Variants in MACROD2 observed in about 807,000 individuals in gnomAD.
MACROD2 encodes mono-ADP ribosylhydrolase 2.
In MACROD2, 36 loss-of-function variants were observed where a neutral mutation model predicts 70.4. The ratio of observed to expected loss-of-function variants is 0.51; its 90% CI spans 0.39 to 0.68. The LOEUF (loss-of-function observed/expected upper bound fraction) is 0.68, where lower values mean the gene tolerates loss of function less well. Ranked by LOEUF, MACROD2 falls within the 30% of genes least tolerant of loss-of-function variation. The pLI, the probability that MACROD2 is intolerant of heterozygous loss-of-function variation, is 0.00. For synonymous variants in MACROD2, 172 were observed against 178.8 expected (o/e 0.96, Z 0.30); for missense variants, 496 against 538.4 (o/e 0.92, Z 0.78).
chr20:15,119,691 C>T (rs948846782), intron 5 of MACROD2, among the ~76,000 whole-genome samples: 1 of 152,204 alleles, frequency 6.6e-6, no homozygotes, highest in Non-Finnish European at 1.5e-5. Context: ...GGAATCAAAA[C>T]TCAAGAATAA....
chr20:15,776,422 C>G lies in MACROD2; in HGVS notation c.646-86323C>G, dbSNP rs76124810. ...CTCTCACCTGAAGGACAAGGTTGACCTGTCTGGCTGCCTTTGCTGGCTGAT... is the reference window on the plus strand; with the variant it reads ...CTCTCACCTGAAGGACAAGGTTGACGTGTCTGGCTGCCTTTGCTGGCTGAT... On this transcript the variant is annotated intron_variant, in intron 8 of 17. Transcript: ENST00000684519. Among the ~76,000 whole-genome samples the G allele has an allele frequency of 1.1e-3, 161 of 152,276 alleles. 2 individuals are homozygous for G. The East Asian group carries it at 0.029, about 28-fold the overall frequency.
At chr20:14,780,727 A>G (rs2072290377) in intron 5 of MACROD2, among the ~76,000 whole-genome samples, 1 of 152,120 alleles carries the variant, frequency 6.6e-6, no homozygotes, top group African/African-American at 2.4e-5. Context: ...ATAGATAGTA[A>G]TGAAACAAAA....
Position 14,359,189 on chromosome 20 carries a change from AAAACAAAC to A in MACROD2, c.272-134274_272-134267del, listed in dbSNP as rs112223216. ...GGCGACAGAGCAAGACTCTGTCTCAAAAACAAACAAACAAACAAACAAAAAACACCTAG... is the reference window on the plus strand; with the variant it reads ...GGCGACAGAGCAAGACTCTGTCTCAAAAACAAACAAACAAAAAACACCTAG... On this transcript the variant is annotated intron_variant, in intron 3 of 17. Coordinates refer to ENST00000684519, the MANE Select transcript of MACROD2 (RefSeq NM_001351661.2). Among the ~76,000 whole-genome samples, 8 of 152,008 alleles carry A rather than the reference AAAACAAAC, an allele frequency of 5.3e-5. No homozygotes were observed. In the East Asian group the frequency reaches 1.2e-3, roughly 22 times the overall value.
chr20:15,548,010 T>G (rs2048046740), intron 8 of MACROD2, among the ~76,000 whole-genome samples: 1 of 152,204 alleles, frequency 6.6e-6, no homozygotes, highest in East Asian at 1.9e-4. Context: ...TACTATGCTT[T>G]GGATTCATCC....
intron 2 of MACROD2, among the ~76,000 whole-genome samples, chr20:14,057,282 T>C (rs2053641445): frequency 6.6e-6 from 1 of 152,218 alleles, no homozygotes; most frequent in Non-Finnish European, 1.5e-5. Flanking sequence ...TAACCTGGAC[T>C]GTTGACAGTT....
rs79035924 is a variant in MACROD2, at chr20:14,968,122, T to C, written c.419-261818T>C. Among the ~76,000 whole-genome samples, 1,116 of 152,314 alleles carry C rather than the reference T, an allele frequency of 7.3e-3. 10 individuals are homozygous for C. Among genetic ancestry groups the C allele is most frequent in the African/African-American group, 0.026 (1,073 of 41,566 alleles). On this transcript the variant is annotated intron_variant, in intron 5 of 17. Coordinates refer to ENST00000684519, the MANE Select transcript of MACROD2 (RefSeq NM_001351661.2). ...TGAGGTTTCTTTGTGTATAAAGTCT[T>C]TAAATTTATATGGTAGGTCAAAAAA... is the stretch of plus-strand genomic sequence containing the variant.
At chr20:14,576,184 G>A (rs2145005) in intron 4 of MACROD2, among the ~76,000 whole-genome samples, 97,678 of 152,052 alleles carry the variant, frequency 0.64, 32,939 homozygotes, top group East Asian at 0.93. Context: ...GTCATTACTT[G>A]TTCCTCAAGA....
intron 3 of MACROD2, among the ~76,000 whole-genome samples, chr20:14,195,596 GACAC>G (rs140649313): frequency 6.6e-6 from 1 of 151,730 alleles, no homozygotes; most frequent in Non-Finnish European, 1.5e-5. Flanking sequence ...CTAGCAGGCA[GACAC>G]ACACACACAA....
intron 6 of MACROD2, among the ~76,000 whole-genome samples, chr20:15,385,216 G>C (rs1410621410): frequency 4.6e-5 from 7 of 152,172 alleles, no homozygotes; most frequent in Non-Finnish European, 1.0e-4. Context: ...CCTGAAGACA[G>C]AGAATTTGTC....
At position 14,704,179 on chromosome 20, in the gene MACROD2, C is replaced by T. The variant is rs117079253; in HGVS notation, c.418+19220C>T. Among the ~76,000 whole-genome samples, 1,387 of 152,204 alleles carry T rather than the reference C, an allele frequency of 9.1e-3. 12 individuals are homozygous for T. Among genetic ancestry groups the T allele is most frequent in the Middle Eastern group, 0.058 (17 of 294 alleles). Reference sequence around the variant, plus strand: ...CCAAGTTAAGGCTGGAATAAGTTTCCTTTATGATATTAATACCTCTCCTCA... The same window carrying T: ...CCAAGTTAAGGCTGGAATAAGTTTCTTTTATGATATTAATACCTCTCCTCA... On this transcript the variant is annotated intron_variant, in intron 5 of 17. Transcript: ENST00000684519.
intron 2 of MACROD2, among the ~76,000 whole-genome samples, chr20:14,013,728 T>C (rs2052948084): frequency 1.5e-5 from 2 of 131,550 alleles, no homozygotes; most frequent in African/African-American, 5.7e-5. Context: ...TTGCCCAGGC[T>C]GGAGTGCCAT....
Position 15,049,168 on chromosome 20 carries a change from A to G in MACROD2, c.419-180772A>G, listed in dbSNP as rs79895621. On this transcript the variant is annotated intron_variant, in intron 5 of 17. Coordinates refer to ENST00000684519, the MANE Select transcript of MACROD2 (RefSeq NM_001351661.2). The stretch of plus-strand genomic sequence containing the variant: ...GAAGTAAAAACAGGATAATAGTAAT[A>G]TTTATGATGTGGAATGATAAACAGT... Among the ~76,000 whole-genome samples, 1,235 of 152,194 alleles carry G rather than the reference A, an allele frequency of 8.1e-3. 20 individuals are homozygous for G. The highest frequency in any genetic ancestry group is 0.028 in the African/African-American group (1,162 of 41,524).
In MACROD2 at chr20:15,937,467, G is replaced by A. The variant is rs998020472; in HGVS notation, c.839-9G>A. On this transcript the variant is annotated splice_polypyrimidine_tract_variant and intron_variant, in intron 11 of 17. Transcript: ENST00000684519. ...AACTCTGAGGCAGTGTTTCTTTTCT[G>A]CTTTATAGATGGTGTCAACACTGTC... The A allele has an allele frequency of 5.6e-6, 9 of 1,612,864 alleles. No homozygotes were observed. The highest frequency in any genetic ancestry group is 5.3e-5 in the African/African-American group (4 of 74,846).
intron 5 of MACROD2, among the ~76,000 whole-genome samples, chr20:15,011,656 C>G (rs1019049152): frequency 1.3e-5 from 2 of 152,182 alleles, no homozygotes; most frequent in Non-Finnish European, 2.9e-5. Flanking sequence ...TGTCTCCACT[C>G]TCTCATGACT....
intron 5 of MACROD2, among the ~76,000 whole-genome samples, chr20:14,945,849 G>T (rs2074427177): frequency 6.6e-6 from 1 of 152,088 alleles, no homozygotes; most frequent in Non-Finnish European, 1.5e-5. Flanking sequence ...GTTTTATGGT[G>T]GCCTCACTTG....
intron 8 of MACROD2, among the ~76,000 whole-genome samples, chr20:15,588,773 C>T (rs1467265820): frequency 6.6e-6 from 1 of 152,166 alleles, no homozygotes; most frequent in African/African-American, 2.4e-5. Flanking sequence ...ACCACCTCAG[C>T]CTTTATCTTA....
intron 8 of MACROD2, among the ~76,000 whole-genome samples, chr20:15,697,894 C>T (rs2050398736): frequency 6.6e-6 from 1 of 152,130 alleles, no homozygotes; most frequent in Non-Finnish European, 1.5e-5. Flanking sequence ...CTTTTGGTGT[C>T]CATTTGCATG....
chr20:15,986,823 G>T, intron 14 of MACROD2, 22 bp downstream of exon 14: 1 of 1,558,106 alleles, frequency 6.4e-7, no homozygotes, highest in Non-Finnish European at 8.8e-7. Flanking sequence ...AAAATATATT[G>T]TTATCAGAGA....
chr20:15,751,147 A>G (rs1399216484), intron 8 of MACROD2, among the ~76,000 whole-genome samples: 1 of 152,104 alleles, frequency 6.6e-6, no homozygotes, highest in Non-Finnish European at 1.5e-5. Context: ...AATGTCCTCA[A>G]CAAAAAGCAA....
Sources: allele counts gnomAD v4.1 joint callset (sites outside exome capture counted in the v4.1 genomes callset), GRCh38; gene constraint gnomAD v4.1.1; transcripts MANE v1.5; gene names NCBI Gene and HGNC (gene_info 2026-07-23, HGNC 2026-07-21).